Variants in TRPM3 observed in about 807,000 individuals in gnomAD.
TRPM3 encodes long transient receptor potential channel 3.
In TRPM3, 77 loss-of-function variants were observed where a neutral mutation model predicts 181.2. The observed-to-expected ratio is 0.42, with a 90% CI of 0.35 to 0.51. TRPM3 has a LOEUF of 0.51. TRPM3 is among the 20% of genes least tolerant of loss of function. The pLI is 0.01. For synonymous variants in TRPM3, 745 were observed against 796.4 expected, an observed-to-expected ratio of 0.94 and a Z score of 1.09; for missense variants, 1,759 against 2,196.7, an observed-to-expected ratio of 0.80 and a Z score of 3.98.
At chr9:71,007,913 G>T (rs2097697037) in intron 1 of TRPM3, among the ~76,000 whole-genome samples, 1 of 151,624 alleles carries the variant, frequency 6.6e-6, no homozygotes, top group Non-Finnish European at 1.5e-5. Flanking sequence ...TAGAAGGAAA[G>T]AAATAACAAA....
rs182819968 is a variant in TRPM3 at position 71,113,259 on chromosome 9, G to C, written c.177+7919C>G. On this transcript the variant is annotated intron_variant, in intron 1 of 25. Coordinates refer to ENST00000677713, the MANE Select transcript of TRPM3 (RefSeq NM_001366145.2). ...TTGGGAACTAGGAATAGACAGAAGG[G>C]GGTGGAACAGAGATATATTTATGAG... 2.9e-3 allele frequency among the ~76,000 whole-genome samples: 448 copies of C among 152,226 alleles called. 4 individuals are homozygous for C. The highest frequency in any genetic ancestry group is 0.01 in the African/African-American group (425 of 41,550).
chr9:71,086,298 T>A (rs78585107), intron 1 of TRPM3, among the ~76,000 whole-genome samples: 12 of 151,958 alleles, frequency 7.9e-5, no homozygotes, highest in Non-Finnish European at 1.5e-4. Context: ...AACCTCAGTA[T>A]CATGTAATAT....
intron 8 of TRPM3, among the ~76,000 whole-genome samples, chr9:70,739,024 T>A (rs2073403927): frequency 6.6e-6 from 1 of 152,068 alleles, no homozygotes. Flanking sequence ...CAGGACCAGA[T>A]GGATTTACAG....
intron 1 of TRPM3, among the ~76,000 whole-genome samples, chr9:71,220,793 C>T (rs2080191932): frequency 6.6e-6 from 1 of 152,206 alleles, no homozygotes; most frequent in East Asian, 1.9e-4. Context: ...ACCTGACCAC[C>T]CTCCAAAGAG....
In TRPM3 at chr9:70,535,216, T is replaced by A. The variant is rs974181857; in HGVS notation, c.*737A>T. ...TCACTTGACTTTTGTTTTTTTAACA[T>A]CAACTCTTCTTTCATTTCGATTGCA... is the stretch of plus-strand genomic sequence containing the variant. On this transcript the variant is annotated 3_prime_UTR_variant, in exon 26 of 26. Coordinates refer to ENST00000677713, the MANE Select transcript of TRPM3 (RefSeq NM_001366145.2). 1.0e-5 allele frequency: 6 copies of A among 598,564 alleles called. No homozygotes were observed. Among genetic ancestry groups the A allele is most frequent in the African/African-American group, 5.5e-5 (3 of 54,080 alleles). 37.1% of individuals were successfully genotyped at this position (598,564 alleles called of 1,614,324 possible). A position where few individuals can be genotyped will look rare whatever the true frequency, so the allele number is the denominator to read the frequency against.
chr9:70,769,814 C>T (rs1177087641), intron 7 of TRPM3, among the ~76,000 whole-genome samples: 1 of 152,054 alleles, frequency 6.6e-6, no homozygotes, highest in African/African-American at 2.4e-5. Flanking sequence ...CTTTATTCTG[C>T]ATGTGCCTTA....
intron 1 of TRPM3, among the ~76,000 whole-genome samples, chr9:71,259,191 A>G (rs2082873286): frequency 6.6e-6 from 1 of 152,158 alleles, no homozygotes; most frequent in South Asian, 2.1e-4. Flanking sequence ...GATGGTTTCC[A>G]GCTTCATCCA....
intron 1 of TRPM3, among the ~76,000 whole-genome samples, chr9:71,310,375 AG>A (rs2087803739): frequency 6.6e-6 from 1 of 152,164 alleles, no homozygotes; most frequent in Non-Finnish European, 1.5e-5. Context: ...AGTGTGTTAT[AG>A]TAACCTTAAA....
intron 1 of TRPM3, among the ~76,000 whole-genome samples, chr9:70,906,397 C>T (rs1050428230): frequency 2.6e-5 from 4 of 152,166 alleles, no homozygotes; most frequent in Admixed American, 2.6e-4. Flanking sequence ...GGCCTGAGCG[C>T]TGAAAGAGAG....
chr9:71,114,862 A>G (rs1248643768), intron 1 of TRPM3, among the ~76,000 whole-genome samples: 3 of 152,324 alleles, frequency 2.0e-5, no homozygotes. Context: ...GTTCACAACC[A>G]TATCTCCATC....
intron 6 of TRPM3, among the ~76,000 whole-genome samples, chr9:70,822,895 T>C (rs990595379): frequency 3.9e-5 from 6 of 151,984 alleles, no homozygotes; most frequent in African/African-American, 1.2e-4. Context: ...AATATGCCCA[T>C]GTGTCACTAC....
intron 3 of TRPM3, among the ~76,000 whole-genome samples, chr9:70,852,963 T>A (rs35387614): frequency 0.078 from 11,945 of 152,250 alleles, 702 homozygotes; most frequent in East Asian, 0.28. Context: ...TATATATATA[T>A]TTTTTTCTGG....
intron 22 of TRPM3, among the ~76,000 whole-genome samples, chr9:70,577,806 A>G (rs2054443184): frequency 6.6e-6 from 1 of 152,202 alleles, no homozygotes; most frequent in South Asian, 2.1e-4. Context: ...CCCGCCCTGT[A>G]TATTCAATTA....
intron 6 of TRPM3, among the ~76,000 whole-genome samples, chr9:70,814,627 T>C (rs2092501381): frequency 6.6e-6 from 1 of 152,194 alleles, no homozygotes; most frequent in African/African-American, 2.4e-5. Context: ...TTCTCTCTAA[T>C]GTCCTTAACC....
At chr9:71,185,800 A>G (rs2077642523) in intron 1 of TRPM3, among the ~76,000 whole-genome samples, 1 of 152,076 alleles carries the variant, frequency 6.6e-6, no homozygotes, top group Admixed American at 6.6e-5. Context: ...GATGAGCCGG[A>G]GCACCTTACA....
At chr9:70,758,085 C>T (rs1274936618) in intron 8 of TRPM3, among the ~76,000 whole-genome samples, 3 of 152,120 alleles carry the variant, frequency 2.0e-5, no homozygotes, top group African/African-American at 7.2e-5. Flanking sequence ...AAAACCCCAT[C>T]GTCTCAGCCC....
intron 1 of TRPM3, among the ~76,000 whole-genome samples, chr9:71,104,648 A>G (rs2069109055): frequency 6.6e-6 from 1 of 152,180 alleles, no homozygotes; most frequent in Non-Finnish European, 1.5e-5. Context: ...TAACTCAATA[A>G]AAGTTAATTT....
At chr9:70,968,589 AGT>A (rs1329249885) in intron 1 of TRPM3, among the ~76,000 whole-genome samples, 1 of 152,184 alleles carries the variant, frequency 6.6e-6, no homozygotes, top group African/African-American at 2.4e-5. Flanking sequence ...CCAGGTCACC[AGT>A]GTAGCAAATA....
intron 1 of TRPM3, among the ~76,000 whole-genome samples, chr9:71,223,245 C>A (rs963234840): frequency 1.4e-4 from 22 of 152,142 alleles, no homozygotes; most frequent in African/African-American, 5.3e-4. Context: ...GGGCACCAGT[C>A]AGAGTCATGA....
Sources: gnomAD v4.1 joint callset for allele counts (sites outside exome capture counted in the v4.1 genomes callset) on GRCh38, gnomAD v4.1.1 for gene constraint, MANE v1.5 for transcripts, NCBI Gene and HGNC (gene_info 2026-07-23, HGNC 2026-07-21) for gene names.